SVOPL: variants seen among roughly 807,000 people sequenced by gnomAD.
SVOPL encodes SVOP like, also known as putative transporter SVOPL.
SVOPL carries 60 observed loss-of-function variants against 61.0 expected under a neutral mutation model. The ratio of observed to expected loss-of-function variants is 0.98; its 90% CI spans 0.80 to 1.22. The LOEUF is 1.22. Among genes scored for constraint, SVOPL ranks in the 50% most tolerant of loss-of-function variants. SVOPL has a pLI of 0.00. For synonymous variants in SVOPL, 279 were observed against 250.0 expected, an observed-to-expected ratio of 1.12 and a Z score of -1.09; for missense variants, 662 against 643.9, an observed-to-expected ratio of 1.03 and a Z score of -0.30.
intron 9 of SVOPL, among the ~76,000 whole-genome samples, chr7:138,638,272 CAAAAAAAAA>C (rs56000217): frequency 3.1e-5 from 3 of 95,830 alleles, no homozygotes; most frequent in African/African-American, 1.3e-4. Flanking sequence ...GACTCCACCT[CAAAAAAAAA>C]AAAAAAAAAA....
chr7:138,693,820 CA>C (rs942008452), intron 1 of SVOPL, among the ~76,000 whole-genome samples: 2 of 151,228 alleles, frequency 1.3e-5, no homozygotes, highest in African/African-American at 4.8e-5. Flanking sequence ...ATTACTTCAA[CA>C]AAAAAATTTA....
At chr7:138,674,728 C>T (rs570953969) in intron 3 of SVOPL, among the ~76,000 whole-genome samples, 6 of 151,906 alleles carry the variant, frequency 3.9e-5, no homozygotes, top group Admixed American at 3.3e-4. Flanking sequence ...TGGTGGCAGG[C>T]GCCTGTAGTC....
At chr7:138,664,200 C>T (rs147549645) in intron 4 of SVOPL, 2 of 981,336 alleles carry the variant, frequency 2.0e-6, no homozygotes, top group Non-Finnish European at 2.4e-6. Flanking sequence ...CCCCCTCCCC[C>T]ACCTTCTACC....
intron 14 of SVOPL, among the ~76,000 whole-genome samples, chr7:138,615,742 C>T (rs1799266075): frequency 8.0e-6 from 1 of 125,400 alleles, no homozygotes; most frequent in African/African-American, 2.6e-5. Flanking sequence ...TTGCAGTGAG[C>T]CGACATCACA....
chr7:138,622,214 C>G (rs146263658), intron 13 of SVOPL, among the ~76,000 whole-genome samples: 3,841 of 39,728 alleles, frequency 0.097, 69 homozygotes, highest in Non-Finnish European at 0.12. Flanking sequence ...ATCTATCTAT[C>G]TATCTATGTA....
intron 14 of SVOPL, chr7:138,597,113 G>T: frequency 7.9e-7 from 1 of 1,272,138 alleles, no homozygotes; most frequent in Non-Finnish European, 1.0e-6. Context: ...CTTTGGCCTG[G>T]ATCTTTTCAC....
At chr7:138,674,586 G>A (rs969231483) in intron 3 of SVOPL, among the ~76,000 whole-genome samples, 21 of 152,014 alleles carry the variant, frequency 1.4e-4, no homozygotes, top group African/African-American at 5.1e-4. Context: ...GCTGGGTGCG[G>A]TGGCTCACAC....
At chr7:138,699,576 A>G (rs1803145089) in intron 1 of SVOPL, among the ~76,000 whole-genome samples, 1 of 152,112 alleles carries the variant, frequency 6.6e-6, no homozygotes, top group African/African-American at 2.4e-5. Context: ...ACCTCTCCAA[A>G]CTAGTCACTT....
intron 4 of SVOPL, among the ~76,000 whole-genome samples, chr7:138,667,691 G>A (rs944935053): frequency 4.6e-5 from 7 of 152,164 alleles, no homozygotes; most frequent in South Asian, 2.1e-4. Flanking sequence ...TGAGTCACCC[G>A]GAAACCTCTG....
Position 138,629,387 on chromosome 7 carries a change from T to C in SVOPL, c.863+662A>G, listed in dbSNP as rs759838050. Among the ~76,000 whole-genome samples the C allele has an allele frequency of 1.2e-3, 190 of 152,018 alleles. 1 individual carries two copies. Among genetic ancestry groups the C allele is most frequent in the Non-Finnish European group, 2.0e-3 (135 of 67,988 alleles). On this transcript the variant is annotated intron_variant, in intron 10 of 15. Coordinates refer to ENST00000674285, the MANE Select transcript of SVOPL (RefSeq NM_001139456.2). ...CTGGGATTACAGGCACCCACCACCA[T>C]GCCCAGCTAATTTTTTTGTATTTTT...
chr7:138,609,917 C>T (rs973414416), intron 14 of SVOPL, among the ~76,000 whole-genome samples: 51 of 152,116 alleles, frequency 3.4e-4, no homozygotes, highest in African/African-American at 1.1e-3. Context: ...TTAGTAGAGA[C>T]GGGGTTTTGC....
At chr7:138,682,684 T>C (rs1426761881) in intron 1 of SVOPL, among the ~76,000 whole-genome samples, 1 of 152,056 alleles carries the variant, frequency 6.6e-6, no homozygotes, top group East Asian at 1.9e-4. Context: ...AAAACAAGTG[T>C]GTGGCTGGGT....
intron 6 of SVOPL, among the ~76,000 whole-genome samples, chr7:138,657,649 A>G (rs1801812197): frequency 6.6e-6 from 1 of 152,104 alleles, no homozygotes; most frequent in Non-Finnish European, 1.5e-5. Context: ...GGGGATTTTT[A>G]ACATATTTAT....
chr7:138,621,988 A>G (rs1799618291), intron 13 of SVOPL, among the ~76,000 whole-genome samples: 1 of 124,380 alleles, frequency 8.0e-6, no homozygotes, highest in African/African-American at 3.2e-5. Context: ...CTATCTATCT[A>G]TGTATCTATC....
At chr7:138,611,839 C>T (rs1799022856) in intron 14 of SVOPL, among the ~76,000 whole-genome samples, 2 of 69,300 alleles carry the variant, frequency 2.9e-5, no homozygotes, top group African/African-American at 4.7e-5. Context: ...CTGCCTTGGC[C>T]TCCCAAAGTG....
At chr7:138,630,711 G>A (rs936839410) in intron 9 of SVOPL, among the ~76,000 whole-genome samples, 7 of 152,142 alleles carry the variant, frequency 4.6e-5, no homozygotes, top group African/African-American at 1.7e-4. Flanking sequence ...GGGAGGCCGA[G>A]GTGGGCGGAT....
At chr7:138,655,571 GCACACA>G (rs149051889) in intron 7 of SVOPL, among the ~76,000 whole-genome samples, 2 of 148,512 alleles carry the variant, frequency 1.3e-5, no homozygotes, top group East Asian at 2.0e-4. Context: ...CTACACACAC[GCACACA>G]CACACACACC....
At chr7:138,673,815 G>C (rs1006028284) in intron 3 of SVOPL, among the ~76,000 whole-genome samples, 1 of 152,160 alleles carries the variant, frequency 6.6e-6, no homozygotes, top group African/African-American at 2.4e-5. Context: ...TAGCCTTAGG[G>C]GAGAGGGACC....
At chr7:138,621,830 G>GTATC (rs1351456139) in intron 13 of SVOPL, among the ~76,000 whole-genome samples, 15 of 37,508 alleles carry the variant, frequency 4.0e-4, no homozygotes, top group South Asian at 1.6e-3. Flanking sequence ...ATGTATCTAT[G>GTATC]TATCTATCTA....
Sources: allele counts gnomAD v4.1 joint callset (sites outside exome capture counted in the v4.1 genomes callset), GRCh38; gene constraint gnomAD v4.1.1; transcripts MANE v1.5; gene names NCBI Gene and HGNC (gene_info 2026-07-23, HGNC 2026-07-21).